Variants in LRFN2 observed in about 807,000 individuals in gnomAD.
LRFN2 encodes the protein leucine rich repeat and fibronectin type III domain containing 2, also known as leucine-rich repeat and fibronectin type-III domain-containing protein 2.
Under a neutral mutation model 37.3 loss-of-function variants are expected in LRFN2, and 18 were observed. The observed-to-expected ratio is 0.48, with a 90% CI of 0.33 to 0.72. The LOEUF is 0.72. Ranked by LOEUF, LRFN2 falls within the 30% of genes least tolerant of loss-of-function variation. The pLI is 0.02. For synonymous variants in LRFN2, 556 were observed against 466.6 expected, an observed-to-expected ratio of 1.19 and a Z score of -2.47; for missense variants, 1,006 against 1,060.7, an observed-to-expected ratio of 0.95 and a Z score of 0.72.
chr6:40,403,411 G>A (rs559046840), intron 2 of LRFN2, among the ~76,000 whole-genome samples: 8 of 152,272 alleles, frequency 5.3e-5, no homozygotes, highest in African/African-American at 1.9e-4. Flanking sequence ...TTCCAGTTGG[G>A]GCCAGGGACC....
At chr6:40,438,809 T>C (rs976797568) in intron 1 of LRFN2, among the ~76,000 whole-genome samples, 10 of 152,128 alleles carry the variant, frequency 6.6e-5, no homozygotes, top group African/African-American at 2.4e-4. Context: ...CAGGCCCTGA[T>C]AATAGTGAGT....
At chr6:40,450,193 C>T (rs997734605) in intron 1 of LRFN2, among the ~76,000 whole-genome samples, 1 of 152,222 alleles carries the variant, frequency 6.6e-6, no homozygotes, top group African/African-American at 2.4e-5. Flanking sequence ...ACTGACTTTG[C>T]ATCCTTGCCT....
intron 1 of LRFN2, among the ~76,000 whole-genome samples, chr6:40,530,921 G>T (rs1766331094): frequency 6.6e-6 from 1 of 152,162 alleles, no homozygotes; most frequent in South Asian, 2.1e-4. Context: ...CTGTTTGCCT[G>T]TCTGCACCAA....
intron 1 of LRFN2, among the ~76,000 whole-genome samples, chr6:40,462,299 G>C (rs1052536233): frequency 3.9e-5 from 6 of 152,206 alleles, no homozygotes; most frequent in Admixed American, 3.9e-4. Flanking sequence ...GTGGCTGGTA[G>C]GAATGTGTGG....
chr6:40,482,410 C>T (rs182612135), intron 1 of LRFN2, among the ~76,000 whole-genome samples: 1,809 of 152,158 alleles, frequency 0.012, 13 homozygotes, highest in Non-Finnish European at 0.02. Context: ...GGAGGAGCCT[C>T]CACCATCCTC....
intron 1 of LRFN2, among the ~76,000 whole-genome samples, chr6:40,542,335 G>T (rs142991999): frequency 1.3e-5 from 2 of 152,106 alleles, no homozygotes; most frequent in African/African-American, 2.4e-5. Context: ...GTGGCAGCAG[G>T]GGGTCATTAA....
intron 1 of LRFN2, among the ~76,000 whole-genome samples, chr6:40,496,754 C>T (rs1022995049): frequency 1.3e-5 from 2 of 152,040 alleles, no homozygotes; most frequent in African/African-American, 4.8e-5. Context: ...TGTGTGTTAT[C>T]CTCTGCTTCC....
intron 1 of LRFN2, among the ~76,000 whole-genome samples, chr6:40,573,592 A>G (rs977680284): frequency 6.6e-6 from 1 of 152,192 alleles, no homozygotes; most frequent in African/African-American, 2.4e-5. Context: ...AAACAACTGG[A>G]TTCAAATCCT....
intron 2 of LRFN2, among the ~76,000 whole-genome samples, chr6:40,408,703 A>T (rs1408043215): frequency 6.6e-6 from 1 of 152,210 alleles, no homozygotes; most frequent in Non-Finnish European, 1.5e-5. Flanking sequence ...GTAGGAATAT[A>T]GTCAGGACTA....
At chr6:40,524,437 ACACT>A (rs2113904533) in intron 1 of LRFN2, among the ~76,000 whole-genome samples, 1 of 130,434 alleles carries the variant, frequency 7.7e-6, no homozygotes, top group African/African-American at 2.9e-5. Context: ...TGACACACAC[ACACT>A]CTCTCACTCA....
intron 1 of LRFN2, among the ~76,000 whole-genome samples, chr6:40,519,874 A>G (rs1178662098): frequency 6.6e-6 from 1 of 152,228 alleles, no homozygotes; most frequent in Admixed American, 6.5e-5. Flanking sequence ...TCATTCATTC[A>G]ATAAACTTGA....
At chr6:40,491,270 C>T (rs1765087176) in intron 1 of LRFN2, among the ~76,000 whole-genome samples, 1 of 152,214 alleles carries the variant, frequency 6.6e-6, no homozygotes, top group African/African-American at 2.4e-5. Flanking sequence ...CTTGGGACCC[C>T]ACGAATTTAA....
intron 1 of LRFN2, among the ~76,000 whole-genome samples, chr6:40,469,205 G>A (rs548239847): frequency 4.6e-5 from 7 of 152,208 alleles, no homozygotes; most frequent in South Asian, 2.1e-4. Flanking sequence ...AGGAACACCC[G>A]GAGTCATCAG....
Position 40,422,782 on chromosome 6 carries a change from C to G in LRFN2, c.1400+8932G>C, listed in dbSNP as rs1398646664. 2.0e-5 allele frequency among the ~76,000 whole-genome samples: 3 copies of G among 152,318 alleles called. No homozygotes were observed. In the East Asian group the frequency reaches 5.8e-4, roughly 29 times the overall value. ...CCTGGTATGGAATAAACGATATCCT[C>G]ACTCCCATCTCCAAACTAACCAAAC... On this transcript the variant is annotated intron_variant, in intron 2 of 2. Transcript: ENST00000338305.
chr6:40,415,414 C>T (rs4604270), intron 2 of LRFN2, among the ~76,000 whole-genome samples: 64,152 of 151,734 alleles, frequency 0.42, 13,809 homozygotes, highest in Admixed American at 0.46. Flanking sequence ...TTAGTAGAGA[C>T]GAGGTTTCAC....
At chr6:40,428,259 T>C (rs1225900950) in intron 2 of LRFN2, among the ~76,000 whole-genome samples, 1 of 152,184 alleles carries the variant, frequency 6.6e-6, no homozygotes, top group African/African-American at 2.4e-5. Flanking sequence ...TTGCTTCTTA[T>C]CTATTCTCAT....
intron 1 of LRFN2, among the ~76,000 whole-genome samples, chr6:40,473,076 T>C (rs974683341): frequency 2.6e-5 from 4 of 152,094 alleles, no homozygotes; most frequent in Non-Finnish European, 4.4e-5. Flanking sequence ...TCACATCTCT[T>C]CTCCCACGCC....
chr6:40,443,188 A>G (rs556040114), intron 1 of LRFN2, among the ~76,000 whole-genome samples: 2 of 152,098 alleles, frequency 1.3e-5, no homozygotes, highest in Non-Finnish European at 2.9e-5. Flanking sequence ...TGGCTTTGGG[A>G]CAGAATCCTC....
intron 1 of LRFN2, among the ~76,000 whole-genome samples, chr6:40,562,486 A>T (rs192688901): frequency 1.8e-3 from 268 of 152,124 alleles, no homozygotes; most frequent in African/African-American, 6.1e-3. Flanking sequence ...AGGGAGAGAG[A>T]AGAGATGACG....
Sources: gnomAD v4.1 joint callset for allele counts (sites outside exome capture counted in the v4.1 genomes callset) on GRCh38, gnomAD v4.1.1 for gene constraint, MANE v1.5 for transcripts, NCBI Gene and HGNC (gene_info 2026-07-23, HGNC 2026-07-21) for gene names.